The following ZNF324B variants were observed in gnomAD, a reference collection of about 807,000 sequenced individuals.
ZNF324B encodes the protein zinc finger protein 324B.
ZNF324B carries 7 observed loss-of-function variants against 10.6 expected under a neutral mutation model. The observed-to-expected ratio is 0.66, with a 90% CI of 0.38 to 1.24. The LOEUF (loss-of-function observed/expected upper bound fraction) is 1.24. Ranked by LOEUF, ZNF324B falls within the 50% of genes most tolerant of loss-of-function variation. The pLI is 0.02. For missense variants in ZNF324B, 640 were observed against 764.7 expected, an observed-to-expected ratio of 0.84 and a Z score of 1.92; for synonymous variants, 316 against 321.0, an observed-to-expected ratio of 0.98 and a Z score of 0.17.
the ZNF324B span, chr19:58,440,149 G>A: frequency 2.6e-6 from 1 of 377,814 alleles, no homozygotes; most frequent in Non-Finnish European, 4.8e-6. Flanking sequence ...AATGAGGACC[G>A]CAATGGCGGC....
the ZNF324B span, chr19:58,442,161 C>CTTTGTTTTTTTTTTTT: frequency 1.1e-5 from 1 of 95,048 alleles, no homozygotes; most frequent in Non-Finnish European, 1.8e-5. Context: ...TGTTACAGTT[C>CTTTGTTTTTTTTTTTT]TTTTTTTTTT....
At chr19:58,427,436 TTCCTTCCTTTCCTTTCCCTTCCTTCC>T in the ZNF324B span, among the ~76,000 whole-genome samples, 5 of 44,682 alleles carry the variant, frequency 1.1e-4, no homozygotes, top group African/African-American at 6.3e-4. Flanking sequence ...CCTTCCTTCC[TTCCTTCCTTTCCTTTCCCTTCCTTCC>T]TTCCTTCCTT....
chr19:58,441,846 C>T, the ZNF324B span: 2 of 152,360 alleles, frequency 1.3e-5, no homozygotes, highest in Admixed American at 1.3e-4. Flanking sequence ...GCTTAATGAC[C>T]TTTGAGGACA....
At chr19:58,451,926 G>GTCCA (rs1187072691) in intron 1 of ZNF324B, among the ~76,000 whole-genome samples, 1 of 152,230 alleles carries the variant, frequency 6.6e-6, no homozygotes, top group Non-Finnish European at 1.5e-5. Context: ...GTCCCGGGTG[G>GTCCA]TCCATGCCTT....
chr19:58,451,095 G>C (rs1013610102), upstream of ZNF324B, among the ~76,000 whole-genome samples: 1 of 152,202 alleles, frequency 6.6e-6, no homozygotes, highest in Non-Finnish European at 1.5e-5. Flanking sequence ...TCTTGGTGTA[G>C]AGGTTGAAAA....
the ZNF324B span, among the ~76,000 whole-genome samples, chr19:58,427,891 T>G: frequency 6.6e-6 from 1 of 152,104 alleles, no homozygotes; most frequent in African/African-American, 2.4e-5. Flanking sequence ...TTTATTTGCT[T>G]AGAAGGCTGA....
At chr19:58,419,665 G>A in the ZNF324B span, among the ~76,000 whole-genome samples, 1 of 152,186 alleles carries the variant, frequency 6.6e-6, no homozygotes, top group South Asian at 2.1e-4. Flanking sequence ...CTATAGTCCT[G>A]GGATGTGCCT....
rs1349066872 is a variant in ZNF324B at position 58,453,711 on chromosome 19, G to A, written c.10G>A (p.Glu4Lys). MTF[E>K]DVAVYFSQEE... ...GCTGTTTTAGGACCTGATGACCTTC[G>A]AGGATGTGGCCGTGTACTTCTCCCA... The change falls in exon 2 of 4, where the codon GAG (glutamate) becomes AAG (lysine). Residue 4 changes from glutamate (E) to lysine (K), a missense_variant. Glu to Lys is a moderately conservative substitution (Grantham distance 56). Around this residue, in one of 3 missense-constraint regions of ZNF324B, gnomAD observed 345 missense variants for 387.9 expected, o/e 0.89. Transcript: ENST00000336614. 10 of 1,614,038 alleles carry A rather than the reference G, an allele frequency of 6.2e-6. No homozygotes were observed. Among genetic ancestry groups the A allele is most frequent in the Non-Finnish European group, 8.5e-6 (10 of 1,180,026 alleles).
At chr19:58,421,381 C>T in the ZNF324B span, among the ~76,000 whole-genome samples, 3 of 152,174 alleles carry the variant, frequency 2.0e-5, no homozygotes, top group East Asian at 3.9e-4. Context: ...TTAGGGGGAA[C>T]GGAAGCCAAT....
chr19:58,450,081 T>C (rs1392304162), upstream of ZNF324B, among the ~76,000 whole-genome samples: 3 of 152,170 alleles, frequency 2.0e-5, no homozygotes, highest in Non-Finnish European at 2.9e-5. Context: ...TCCCCCATAC[T>C]ATTCTTGTGG....
intron 1 of ZNF324B, 98 bp from the exon 2 acceptor site, chr19:58,453,598 A>AG: frequency 6.5e-7 from 1 of 1,527,850 alleles, no homozygotes; most frequent in East Asian, 2.3e-5. Flanking sequence ...CCAAGGAAGG[A>AG]GGGACACTGG....
At chr19:58,447,344 C>T (rs1247742335), upstream of ZNF324B, among the ~76,000 whole-genome samples, 5 of 152,174 alleles carry the variant, frequency 3.3e-5, no homozygotes, top group Admixed American at 1.3e-4. Context: ...AGGTGACCAC[C>T]CTTAGTGCTA....
the ZNF324B span, chr19:58,430,644 G>A: frequency 6.6e-6 from 1 of 152,232 alleles, no homozygotes; most frequent in South Asian, 2.1e-4. Flanking sequence ...GGTGACTGAA[G>A]ACCATCCCAC....
the ZNF324B span, chr19:58,434,024 G>A: frequency 6.2e-6 from 10 of 1,614,070 alleles, no homozygotes; most frequent in Non-Finnish European, 8.5e-6. Flanking sequence ...TGTCGAAGGA[G>A]ATGGGAGCTT....
the ZNF324B span, among the ~76,000 whole-genome samples, chr19:58,436,667 CAAAAAA>C: frequency 2.2e-3 from 145 of 65,540 alleles, no homozygotes; most frequent in African/African-American, 9.0e-3. Flanking sequence ...GACTCCATCT[CAAAAAA>C]AAAAAAAAAA....
In ZNF324B at chr19:58,455,800, G is replaced by C; in HGVS notation, c.856G>C (p.Glu286Gln). The part of the protein sequence containing the change: ...LRTHTGERPY[E>Q]CTQCGKAFSQ... ...CACCCACACCGGGGAGCGGCCCTAC[G>C]AGTGCACCCAGTGCGGCAAGGCCTT... is the stretch of plus-strand genomic sequence containing the variant. Residue 286 changes from glutamate (E) to glutamine (Q), a missense_variant, in exon 4 of 4, where the codon GAG (glutamate) becomes CAG (glutamine). Physicochemically the swap from Glu to Gln is conservative, Grantham distance 29 (BLOSUM62 2). Transcript: ENST00000336614. This position sits in a 1 kb window ranked among gnomAD's most constrained non-coding sequence, Gnocchi z 7.0. 7 of 1,614,120 alleles carry C rather than the reference G, an allele frequency of 4.3e-6. No individual in the cohort carries two copies. The highest frequency in any genetic ancestry group is 5.9e-6 in the Non-Finnish European group (7 of 1,180,008).
the ZNF324B span, chr19:58,429,301 G>A: frequency 6.6e-6 from 1 of 152,226 alleles, no homozygotes; most frequent in Admixed American, 6.5e-5. Context: ...CCAGGAGTGA[G>A]TGATTGAGAC....
chr19:58,426,524 C>T, the ZNF324B span, among the ~76,000 whole-genome samples: 1 of 152,140 alleles, frequency 6.6e-6, no homozygotes, highest in Non-Finnish European at 1.5e-5. Context: ...CAAGTTGAGC[C>T]AAGCCAGAGA....
the ZNF324B span, chr19:58,440,834 T>C: frequency 2.0e-5 from 3 of 152,158 alleles, no homozygotes; most frequent in Non-Finnish European, 4.4e-5. Context: ...AAGCTACGCA[T>C]TGGGAGGTCT....
Sources: allele counts gnomAD v4.1 joint callset (sites outside exome capture counted in the v4.1 genomes callset), GRCh38; gene constraint gnomAD v4.1.1; regional missense constraint gnomAD v4.1.1; non-coding constraint Gnocchi (gnomAD v3.1); transcripts MANE v1.5; gene names NCBI Gene and HGNC (gene_info 2026-07-23, HGNC 2026-07-21).